BOLL: variants seen among roughly 807,000 people sequenced by gnomAD.
BOLL encodes boule RNA binding protein.
In BOLL, 23 loss-of-function variants were observed where a neutral mutation model predicts 44.4. The observed-to-expected ratio is 0.52, with a 90% CI of 0.37 to 0.73. The LOEUF (loss-of-function observed/expected upper bound fraction) is 0.73. Among genes scored for constraint, BOLL ranks in the 30% least tolerant of loss-of-function variants. The probability of loss-of-function intolerance (pLI) is 0.00; values close to 1 mark genes in which losing one functional copy is unlikely to be tolerated. For missense variants in BOLL, 287 were observed against 338.3 expected (o/e 0.85, Z 1.19); for synonymous variants, 97 against 110.8 (o/e 0.88, Z 0.78).
At chr2:197,783,970 T>G (rs1034922934) in intron 1 of BOLL, among the ~76,000 whole-genome samples, 24 of 152,160 alleles carry the variant, frequency 1.6e-4, no homozygotes, top group Admixed American at 7.2e-4. Context: ...CCCATTATAT[T>G]TCATTGAGAG....
intron 7 of BOLL, among the ~76,000 whole-genome samples, chr2:197,761,889 T>G (rs969944855): frequency 1.5e-5 from 2 of 132,876 alleles, no homozygotes; most frequent in African/African-American, 6.2e-5. Flanking sequence ...AGGGATCAAT[T>G]CCGCAAGAGA....
intron 10 of BOLL, among the ~76,000 whole-genome samples, chr2:197,738,869 G>T (rs1241582226): frequency 6.6e-6 from 1 of 152,094 alleles, no homozygotes; most frequent in Non-Finnish European, 1.5e-5. Context: ...TTTAATATTA[G>T]TAATATGTTC....
At chr2:197,775,059 A>G (rs1689445892) in intron 5 of BOLL, among the ~76,000 whole-genome samples, 1 of 151,896 alleles carries the variant, frequency 6.6e-6, no homozygotes, top group South Asian at 2.1e-4. Flanking sequence ...AATTTTAATA[A>G]ATATTAAAGG....
chr2:197,728,667 C>T (rs566053517), intron 10 of BOLL, 89 bp from the exon 11 acceptor site: 74 of 847,826 alleles, frequency 8.7e-5, no homozygotes, highest in Admixed American at 9.9e-5. Context: ...CATCAATCAA[C>T]ATTCACTAAA....
intron 10 of BOLL, among the ~76,000 whole-genome samples, chr2:197,740,288 AT>A (rs1317624375): frequency 6.6e-6 from 1 of 152,162 alleles, no homozygotes; most frequent in East Asian, 1.9e-4. Context: ...AATATCCATT[AT>A]TTTAATGCAA....
intron 10 of BOLL, among the ~76,000 whole-genome samples, chr2:197,736,788 G>A (rs1462798198): frequency 6.6e-6 from 1 of 151,970 alleles, no homozygotes; most frequent in Non-Finnish European, 1.5e-5. Flanking sequence ...TTGTTTTGCT[G>A]TTAAAATTTC....
chr2:197,769,291 T>C (rs1689130319), intron 6 of BOLL, among the ~76,000 whole-genome samples: 1 of 152,110 alleles, frequency 6.6e-6, no homozygotes, highest in Non-Finnish European at 1.5e-5. Context: ...TGTCTGGTCC[T>C]GGAATTTTTT....
chr2:197,743,200 A>G (rs746514908), intron 9 of BOLL, 41 bp from the exon 10 acceptor site: 5 of 1,417,330 alleles, frequency 3.5e-6, no homozygotes, highest in South Asian at 1.3e-5. Context: ...CCTTTCATCT[A>G]TTAATTCTAA....
At chr2:197,755,690 C>G (rs1418926850) in intron 9 of BOLL, among the ~76,000 whole-genome samples, 4 of 152,080 alleles carry the variant, frequency 2.6e-5, no homozygotes, top group Non-Finnish European at 5.9e-5. Context: ...GGGAGCTGAA[C>G]AATGAGAAAC....
intron 10 of BOLL, among the ~76,000 whole-genome samples, chr2:197,738,811 C>T (rs1687612986): frequency 6.6e-6 from 1 of 152,012 alleles, no homozygotes; most frequent in African/African-American, 2.4e-5. Context: ...AGAAAATTTG[C>T]ATTGGAAGTA....
At chr2:197,728,693 G>A in intron 10 of BOLL, 115 bp from the exon 11 acceptor site, 1 of 711,924 alleles carries the variant, frequency 1.4e-6, no homozygotes, top group Middle Eastern at 2.8e-4. Context: ...GCAGAACCTT[G>A]GTACCAATTA....
chr2:197,749,966 A>G (rs2106338296), intron 9 of BOLL, among the ~76,000 whole-genome samples: 1 of 152,294 alleles, frequency 6.6e-6, no homozygotes, highest in Middle Eastern at 3.4e-3. Flanking sequence ...AAACCTTACA[A>G]GCCAGAAGAG....
chr2:197,748,960 G>A (rs527528003), intron 9 of BOLL, among the ~76,000 whole-genome samples: 2 of 152,350 alleles, frequency 1.3e-5, no homozygotes, highest in African/African-American at 4.8e-5. Context: ...CCTAGCAGGG[G>A]TTGACAGACA....
At chr2:197,770,922 T>C (rs535554293) in intron 6 of BOLL, among the ~76,000 whole-genome samples, 18 of 152,238 alleles carry the variant, frequency 1.2e-4, no homozygotes, top group African/African-American at 3.6e-4. Flanking sequence ...AGTTCAACCA[T>C]TGTGGAAGTC....
At chr2:197,785,363 C>T (rs1690029021), upstream of BOLL, 1 of 985,726 alleles carries the variant, frequency 1.0e-6, no homozygotes, top group Non-Finnish European at 1.2e-6. The surrounding 1 kb of genome is among the most constrained non-coding windows in gnomAD (Gnocchi z 6.7). Context: ...CTGCTGGCGG[C>T]GGGACGGGGC....
rs767828899 is a variant in BOLL, at chr2:197,781,702, C to T, written c.129+20G>A. 3 of 1,502,198 alleles carry T rather than the reference C, an allele frequency of 2.0e-6. No individual in the cohort carries two copies. Among genetic ancestry groups the T allele is most frequent in the East Asian group, 2.3e-5 (1 of 43,482 alleles). The allele number at this position is 1,502,198 out of a possible 1,614,324, so 93.1% of individuals were successfully genotyped here. A position where few individuals can be genotyped will look rare whatever the true frequency, so the allele number is the denominator to read the frequency against. ...ACTTCTAATGAAAAAATACACTTTACTGCATGCATAAATAGGTACCTTAAA... is the reference window on the plus strand; with the variant it reads ...ACTTCTAATGAAAAAATACACTTTATTGCATGCATAAATAGGTACCTTAAA... On this transcript the variant is annotated intron_variant, in intron 2 of 10. Transcript: ENST00000392296.
At chr2:197,785,713 G>A (rs1574878786), upstream of BOLL, among the ~76,000 whole-genome samples, 1 of 152,226 alleles carries the variant, frequency 6.6e-6, no homozygotes, top group Non-Finnish European at 1.5e-5. The surrounding 1 kb of genome is among the most constrained non-coding windows in gnomAD (Gnocchi z 6.7). Context: ...GCCGCCTCCC[G>A]AAACATCCAC....
intron 1 of BOLL, chr2:197,784,529 C>T (rs1279677535): frequency 1.1e-5 from 2 of 177,470 alleles, no homozygotes; most frequent in Non-Finnish European, 2.1e-5. Context: ...CTCCCTGGTT[C>T]AAGAGATTCT....
chr2:197,784,859 T>G, intron 1 of BOLL, 197 bp downstream of exon 1: 1 of 987,484 alleles, frequency 1.0e-6, no homozygotes, highest in Non-Finnish European at 1.2e-6. Flanking sequence ...TAATTCCGCA[T>G]GTGTTACGGA....
Sources: gnomAD v4.1 joint callset for allele counts (sites outside exome capture counted in the v4.1 genomes callset) on GRCh38, gnomAD v4.1.1 for gene constraint, Gnocchi (gnomAD v3.1) non-coding constraint, MANE v1.5 for transcripts, NCBI Gene and HGNC (gene_info 2026-07-23, HGNC 2026-07-21) for gene names.